Variants in ARHGAP24 observed in about 807,000 individuals in gnomAD.
ARHGAP24 encodes Rho GTPase activating protein 24.
Under a neutral mutation model 76.4 loss-of-function variants are expected in ARHGAP24, and 50 were observed. The observed-to-expected ratio is 0.65, with a 90% CI of 0.52 to 0.83. ARHGAP24 has a LOEUF of 0.83. Among genes scored for constraint, ARHGAP24 ranks in the 40% least tolerant of loss-of-function variants. ARHGAP24 has a pLI of 0.00. For missense variants in ARHGAP24, 930 were observed against 914.2 expected (o/e 1.02, Z -0.22); for synonymous variants, 345 against 323.3 (o/e 1.07, Z -0.72).
intron 2 of ARHGAP24, among the ~76,000 whole-genome samples, chr4:85,648,322 A>G (rs1721804138): frequency 6.6e-6 from 1 of 152,074 alleles, no homozygotes; most frequent in African/African-American, 2.4e-5. Context: ...TATTATTGTT[A>G]GATACTCAAT....
intron 2 of ARHGAP24, among the ~76,000 whole-genome samples, chr4:85,602,655 G>C (rs1720071990): frequency 6.6e-6 from 1 of 152,002 alleles, no homozygotes; most frequent in Non-Finnish European, 1.5e-5. Context: ...AAGAATGAAA[G>C]GAAATAGAAT....
At chr4:85,548,227 C>A (rs1725993991) in intron 1 of ARHGAP24, among the ~76,000 whole-genome samples, 1 of 152,112 alleles carries the variant, frequency 6.6e-6, no homozygotes, top group Non-Finnish European at 1.5e-5. Context: ...TTTTCCTTGT[C>A]CACACCCTGG....
chr4:85,512,227 G>A (rs1244588662), intron 1 of ARHGAP24, among the ~76,000 whole-genome samples: 1 of 152,186 alleles, frequency 6.6e-6, no homozygotes, highest in East Asian at 1.9e-4. Context: ...GCCTCACTGA[G>A]CCTCAACTGT....
At chr4:85,941,576 G>A (rs1418141951) in intron 4 of ARHGAP24, among the ~76,000 whole-genome samples, 1 of 152,106 alleles carries the variant, frequency 6.6e-6, no homozygotes, top group African/African-American at 2.4e-5. Context: ...TTATCACCAT[G>A]ATTACAGTCA....
At chr4:85,506,084 G>A (rs556817580) in intron 1 of ARHGAP24, among the ~76,000 whole-genome samples, 20 of 152,182 alleles carry the variant, frequency 1.3e-4, no homozygotes, top group Admixed American at 5.9e-4. Context: ...GCAGAACAGC[G>A]AAGTCTGCTG....
intron 1 of ARHGAP24, among the ~76,000 whole-genome samples, chr4:85,520,740 G>T (rs1724709968): frequency 6.6e-6 from 1 of 152,190 alleles, no homozygotes; most frequent in African/African-American, 2.4e-5. Context: ...AGTGCATGAT[G>T]CAGAGAATCT....
chr4:85,774,086 C>T (rs1000416841), intron 3 of ARHGAP24, among the ~76,000 whole-genome samples: 1 of 152,214 alleles, frequency 6.6e-6, no homozygotes, highest in Admixed American at 6.5e-5. Flanking sequence ...GAAAGCCATT[C>T]TCTTCCTAAC....
At chr4:85,930,985 C>A (rs1480383960) in intron 4 of ARHGAP24, 1 of 1,613,584 alleles carries the variant, frequency 6.2e-7, no homozygotes, top group Non-Finnish European at 8.5e-7. Flanking sequence ...AGCCTCAACT[C>A]CTTTCATCCC....
chr4:85,625,074 A>C (rs1175610611), intron 2 of ARHGAP24, among the ~76,000 whole-genome samples: 1 of 151,924 alleles, frequency 6.6e-6, no homozygotes, highest in African/African-American at 2.4e-5. Context: ...TATTTCCTTC[A>C]GTTCTGCTCT....
intron 3 of ARHGAP24, among the ~76,000 whole-genome samples, chr4:85,757,213 CT>C (rs567221846): frequency 3.7e-4 from 48 of 130,716 alleles, no homozygotes; most frequent in African/African-American, 1.2e-3. Flanking sequence ...GCAACCAATT[CT>C]TTTTTTTTTT....
intron 3 of ARHGAP24, among the ~76,000 whole-genome samples, chr4:85,876,510 T>C (rs1732946148): frequency 6.6e-6 from 1 of 152,152 alleles, no homozygotes. Flanking sequence ...CTCAATCCCT[T>C]TACCTTATGA....
intron 3 of ARHGAP24, among the ~76,000 whole-genome samples, chr4:85,880,318 T>C (rs1159991811): frequency 6.6e-6 from 1 of 152,136 alleles, no homozygotes; most frequent in East Asian, 1.9e-4. Context: ...ACAACATAGC[T>C]TTAGGCTACT....
At chr4:85,741,477 T>C (rs1049237209) in intron 3 of ARHGAP24, among the ~76,000 whole-genome samples, 1 of 151,892 alleles carries the variant, frequency 6.6e-6, no homozygotes, top group South Asian at 2.1e-4. Flanking sequence ...AACTTCCAGC[T>C]CTCTGAGTAT....
At chr4:85,618,076 C>T (rs1428471848) in intron 2 of ARHGAP24, among the ~76,000 whole-genome samples, 1 of 152,160 alleles carries the variant, frequency 6.6e-6, no homozygotes, top group Admixed American at 6.5e-5. Context: ...CCATGTTGTA[C>T]ATTAAATCTC....
rs142871505 is a variant in ARHGAP24, at chr4:85,674,708, G to A, written c.181-47177G>A. Among the ~76,000 whole-genome samples, 3 of 152,102 alleles carry A rather than the reference G, an allele frequency of 2.0e-5. No homozygotes were observed. In the South Asian group the frequency reaches 6.2e-4, roughly 32 times the overall value. On this transcript the variant is annotated intron_variant, in intron 2 of 9. Transcript: ENST00000395184. ...ATGGCACCTTTCATTGTCATGTAAG[G>A]ATGTGCCAATCTGTGTAATGTTGCT...
chr4:85,944,037 A>G (rs1443826727), intron 5 of ARHGAP24, among the ~76,000 whole-genome samples: 1 of 152,156 alleles, frequency 6.6e-6, no homozygotes, highest in East Asian at 1.9e-4. Context: ...ATCACCACGC[A>G]GTCTTCCACA....
chr4:85,928,989 A>G (rs1369634709), intron 4 of ARHGAP24, among the ~76,000 whole-genome samples: 1 of 152,182 alleles, frequency 6.6e-6, no homozygotes, highest in Non-Finnish European at 1.5e-5. Flanking sequence ...CAAGTGCACA[A>G]TCTTGGATAT....
intron 1 of ARHGAP24, among the ~76,000 whole-genome samples, chr4:85,510,326 T>C (rs1048451271): frequency 9.9e-5 from 15 of 152,190 alleles, no homozygotes; most frequent in Non-Finnish European, 1.9e-4. Flanking sequence ...GGAAAATATT[T>C]GCTATGCATG....
At chr4:85,815,620 A>C (rs1050587314) in intron 3 of ARHGAP24, among the ~76,000 whole-genome samples, 3 of 152,256 alleles carry the variant, frequency 2.0e-5, no homozygotes, top group African/African-American at 7.2e-5. Flanking sequence ...CCATATGGCT[A>C]TCAGACTTTT....
Sources: allele counts gnomAD v4.1 joint callset (sites outside exome capture counted in the v4.1 genomes callset), GRCh38; gene constraint gnomAD v4.1.1; transcripts MANE v1.5; gene names NCBI Gene and HGNC (gene_info 2026-07-23, HGNC 2026-07-21).